SLC22A4: variants seen among roughly 807,000 people sequenced by gnomAD.
SLC22A4 encodes the protein ET transporter.
Under a neutral mutation model 56.6 loss-of-function variants are expected in SLC22A4, and 39 were observed. That is an observed-to-expected ratio of 0.69 (90% confidence interval 0.53 to 0.90). SLC22A4 has a LOEUF of 0.90. SLC22A4 is among the 40% of genes least tolerant of loss of function. The pLI is 0.00. For synonymous variants in SLC22A4, 241 were observed against 281.4 expected (o/e 0.86, Z 1.44); for missense variants, 594 against 696.5 (o/e 0.85, Z 1.66).
At chr5:132,303,673 T>C (rs1749957612) in intron 1 of SLC22A4, among the ~76,000 whole-genome samples, 1 of 152,164 alleles carries the variant, frequency 6.6e-6, no homozygotes, top group African/African-American at 2.4e-5. Flanking sequence ...CGCCTATTCA[T>C]ATAGTAGAGA....
rs772375048 is a variant in SLC22A4, at chr5:132,312,195, C to T, written c.428C>T (p.Pro143Leu). 6.8e-6 allele frequency: 11 copies of T among 1,612,686 alleles called. No individual in the cohort carries two copies. The highest frequency in any genetic ancestry group is 1.7e-5 in the Admixed American group (1 of 60,002). The change falls in exon 2 of 10, where the codon CCC becomes CTC. Residue 143 changes from proline (P) to leucine (L), a missense_variant. Transcript: ENST00000200652. ...GTGTGTGAGGACAACTGGAAGGTGC[C>T]CCTCACCACCTCCCTGTTCTTCGTA... ...NLVCEDNWKV[P>L]LTTSLFFVGV...
intron 1 of SLC22A4, among the ~76,000 whole-genome samples, chr5:132,303,494 T>C (rs973169832): frequency 2.0e-5 from 3 of 151,104 alleles, no homozygotes; most frequent in African/African-American, 7.3e-5. Flanking sequence ...GCCAAGAAAA[T>C]ACTGTTCTCT....
At chr5:132,332,048 T>C in intron 6 of SLC22A4, 198 bp downstream of exon 6, 1 of 546,462 alleles carries the variant, frequency 1.8e-6, no homozygotes, top group East Asian at 3.4e-5. Flanking sequence ...GCGCAATGGC[T>C]TACGCCTGTA....
chr5:132,321,990 C>A (rs889663994), intron 3 of SLC22A4, among the ~76,000 whole-genome samples, 194 bp from the exon 4 acceptor site: 1 of 151,866 alleles, frequency 6.6e-6, no homozygotes, highest in Non-Finnish European at 1.5e-5. Context: ...GAAATTCAAC[C>A]TTCTATAAGT....
chr5:132,310,323 T>C (rs898492098), intron 1 of SLC22A4, among the ~76,000 whole-genome samples: 1 of 152,256 alleles, frequency 6.6e-6, no homozygotes, highest in African/African-American at 2.4e-5. Context: ...CAATTGCTCA[T>C]CTCTCTAAGT....
intron 6 of SLC22A4, 108 bp from the exon 7 acceptor site, chr5:132,334,610 G>A (rs780662785): frequency 1.1e-5 from 9 of 802,328 alleles, no homozygotes; most frequent in Non-Finnish European, 2.0e-5. Flanking sequence ...TAGCCAATGA[G>A]GGTAGTGGCT....
At chr5:132,300,051 C>T (rs1749875759) in intron 1 of SLC22A4, among the ~76,000 whole-genome samples, 1 of 152,130 alleles carries the variant, frequency 6.6e-6, no homozygotes, top group Non-Finnish European at 1.5e-5. Context: ...TGTGATTGTT[C>T]CTTAGTCTTT....
At chr5:132,301,047 C>T (rs573697517) in intron 1 of SLC22A4, among the ~76,000 whole-genome samples, 2 of 152,220 alleles carry the variant, frequency 1.3e-5, no homozygotes, top group Admixed American at 1.3e-4. Context: ...GCCTCCTGCC[C>T]TGAGGCTAAA....
intron 9 of SLC22A4, among the ~76,000 whole-genome samples, chr5:132,341,341 C>T (rs1000104919): frequency 6.6e-6 from 1 of 151,588 alleles, no homozygotes; most frequent in Non-Finnish European, 1.5e-5. Flanking sequence ...TTGCTTGAAC[C>T]CGGGAGGTGG....
intron 5 of SLC22A4, among the ~76,000 whole-genome samples, chr5:132,327,783 C>G (rs1381027552): frequency 6.6e-6 from 1 of 152,210 alleles, no homozygotes; most frequent in Non-Finnish European, 1.5e-5. Context: ...GGGTTCTCCA[C>G]TGTACCCTGA....
chr5:132,322,078 C>T, intron 3 of SLC22A4, 106 bp from the exon 4 acceptor site: 1 of 1,066,060 alleles, frequency 9.4e-7, no homozygotes, highest in South Asian at 1.3e-5. Context: ...ATGCCTTTCC[C>T]CTTTTCTAAG....
At chr5:132,298,620 C>T (rs548653677) in intron 1 of SLC22A4, among the ~76,000 whole-genome samples, 12 of 152,300 alleles carry the variant, frequency 7.9e-5, no homozygotes, top group South Asian at 2.1e-4. Context: ...TACTTTATCT[C>T]AGTTTTCAAA....
chr5:132,313,086 C>G (rs976358731), intron 2 of SLC22A4, among the ~76,000 whole-genome samples: 1 of 152,238 alleles, frequency 6.6e-6, no homozygotes, highest in Middle Eastern at 3.2e-3. Context: ...TTGCACGCTA[C>G]TCATCTGGGA....
intron 5 of SLC22A4, among the ~76,000 whole-genome samples, chr5:132,331,300 A>G (rs1249528696): frequency 6.6e-6 from 1 of 152,126 alleles, no homozygotes; most frequent in African/African-American, 2.4e-5. Flanking sequence ...ACACCACTGC[A>G]CTCCAGCCTG....
At chr5:132,314,517 G>T (rs958504564) in intron 3 of SLC22A4, among the ~76,000 whole-genome samples, 1 of 152,196 alleles carries the variant, frequency 6.6e-6, no homozygotes, top group African/African-American at 2.4e-5. Context: ...GAGGTGAGGG[G>T]TATCCCTGGG....
rs181386670 is a variant in SLC22A4, at chr5:132,324,158, C to T, written c.824+1803C>T. Among the ~76,000 whole-genome samples, 23 of 152,182 alleles carry T rather than the reference C, an allele frequency of 1.5e-4. No individual in the cohort carries two copies. The East Asian group carries it at 3.1e-3, about 20-fold the overall frequency. On this transcript the variant is annotated intron_variant, in intron 4 of 9. Transcript: ENST00000200652. ...AGTGCGCTATATGATCATGCCACTG[C>T]ACTCCAGCCCAGATAGAATGAGATG... is the stretch of plus-strand genomic sequence containing the variant.
At chr5:132,313,229 T>C (rs1488150323) in intron 2 of SLC22A4, among the ~76,000 whole-genome samples, 1 of 152,208 alleles carries the variant, frequency 6.6e-6, no homozygotes, top group Non-Finnish European at 1.5e-5. Flanking sequence ...GCAGAGTGAC[T>C]CTTAGTTCTG....
chr5:132,321,768 C>T (rs1254356933), intron 3 of SLC22A4, among the ~76,000 whole-genome samples: 9 of 151,944 alleles, frequency 5.9e-5, no homozygotes, highest in Non-Finnish European at 1.2e-4. Flanking sequence ...ATTAGCCAGG[C>T]GTGGTGGTGC....
In SLC22A4 at chr5:132,334,932, G is replaced by T; in HGVS notation, c.1261G>T (p.Asp421Tyr). Residue 421 changes from aspartate (D) to tyrosine (Y), a missense_variant and splice_region_variant, in exon 7 of 10, where the codon GAT becomes TAT. Asp to Tyr is a radical substitution (Grantham distance 160). Coordinates refer to ENST00000200652, the MANE Select transcript of SLC22A4 (RefSeq NM_003059.3). The stretch of plus-strand genomic sequence containing the variant: ...TCTCTTCATTCAACTGGTACCTGTG[G>T]GTAAGAAGTTAACCAAGATGAACAG... ...VLLFIQLVPV[D>Y]YYFLSIGLVM... 1 of 1,606,070 alleles carries T rather than the reference G, an allele frequency of 6.2e-7. No homozygotes were observed. The highest frequency in any genetic ancestry group is 1.1e-5 in the South Asian group (1 of 90,862).
Sources: gnomAD v4.1 joint callset for allele counts (sites outside exome capture counted in the v4.1 genomes callset) on GRCh38, gnomAD v4.1.1 for gene constraint, MANE v1.5 for transcripts, NCBI Gene and HGNC (gene_info 2026-07-23, HGNC 2026-07-21) for gene names.